The following CEP63 variants were observed in gnomAD, a reference collection of about 807,000 sequenced individuals.
CEP63 encodes the protein centrosomal protein 63, also known as centrosomal protein of 63 kDa.
In CEP63, 84 loss-of-function variants were observed where a neutral mutation model predicts 89.1. The observed-to-expected ratio is 0.94, with a 90% CI of 0.79 to 1.13. The LOEUF (loss-of-function observed/expected upper bound fraction) is 1.13. CEP63 is among the 50% of genes most tolerant of loss of function. CEP63 has a pLI of 0.00. For missense variants in CEP63, 838 were observed against 813.3 expected, an observed-to-expected ratio of 1.03 and a Z score of -0.37; for synonymous variants, 267 against 272.5, an observed-to-expected ratio of 0.98 and a Z score of 0.20.
At chr3:134,596,848 A>C in the CEP63 span, among the ~76,000 whole-genome samples, 1 of 152,220 alleles carries the variant, frequency 6.6e-6, no homozygotes, top group Non-Finnish European at 1.5e-5. Context: ...TGACATGAAC[A>C]TGGAAGATAG....
intron 1 of CEP63, among the ~76,000 whole-genome samples, chr3:134,494,531 G>C (rs1279848924): frequency 6.6e-6 from 1 of 152,156 alleles, no homozygotes; most frequent in Admixed American, 6.5e-5. Flanking sequence ...AGGTAAAAGA[G>C]GGAGGGGAGT....
At chr3:134,626,369 A>G in the CEP63 span, among the ~76,000 whole-genome samples, 1 of 152,066 alleles carries the variant, frequency 6.6e-6, no homozygotes, top group Non-Finnish European at 1.5e-5. Context: ...TCTGACTTCC[A>G]CCTTGCTGGG....
At chr3:134,729,427 A>G in the CEP63 span, among the ~76,000 whole-genome samples, 2 of 152,234 alleles carry the variant, frequency 1.3e-5, no homozygotes, top group Non-Finnish European at 2.9e-5. Flanking sequence ...ATTAAGAAAC[A>G]TGCTCATTTT....
intron 7 of CEP63, 121 bp from the exon 8 acceptor site, chr3:134,546,028 C>T (rs1359377095): frequency 9.0e-7 from 1 of 1,115,576 alleles, no homozygotes; most frequent in African/African-American, 1.6e-5. Context: ...GTCTGACTTC[C>T]TGGCTTCTCG....
At chr3:134,685,128 A>G in the CEP63 span, among the ~76,000 whole-genome samples, 4 of 152,222 alleles carry the variant, frequency 2.6e-5, no homozygotes, top group African/African-American at 9.7e-5. Flanking sequence ...ACAGAGCTTT[A>G]TGGATTAAAC....
chr3:134,750,305 G>A, the CEP63 span, among the ~76,000 whole-genome samples: 35 of 152,174 alleles, frequency 2.3e-4, no homozygotes, highest in Non-Finnish European at 4.4e-4. Flanking sequence ...GTCCCTGCTA[G>A]TATATGACCC....
At chr3:134,492,266 GTT>G in intron 1 of CEP63, among the ~76,000 whole-genome samples, 1 of 152,032 alleles carries the variant, frequency 6.6e-6, no homozygotes, top group East Asian at 1.9e-4. Context: ...TAGAGACGGG[GTT>G]TCACCGTGTT....
At chr3:134,704,010 A>T in the CEP63 span, among the ~76,000 whole-genome samples, 4 of 151,960 alleles carry the variant, frequency 2.6e-5, no homozygotes, top group South Asian at 8.3e-4. Context: ...GCTCTTTGTG[A>T]TCTCTATTTA....
At chr3:134,541,655 A>C (rs113678116) in intron 6 of CEP63, among the ~76,000 whole-genome samples, 2,460 of 151,816 alleles carry the variant, frequency 0.016, 58 homozygotes, top group African/African-American at 0.055. Flanking sequence ...CTAGGATTAC[A>C]GGCGTGCACC....
At chr3:134,638,121 CACTT>C in the CEP63 span, among the ~76,000 whole-genome samples, 1 of 152,320 alleles carries the variant, frequency 6.6e-6, no homozygotes, top group Non-Finnish European at 1.5e-5. Context: ...TTCCTGCTCT[CACTT>C]ACTGTTGTGT....
At position 134,562,070 on chromosome 3, in the gene CEP63, GGT is replaced by G; in HGVS notation, c.*539_*540del. The G allele has an allele frequency of 4.0e-6, 4 of 994,646 alleles. No homozygotes were observed. The highest frequency in any genetic ancestry group is 4.8e-6 in the Non-Finnish European group (4 of 835,700). The allele number at this position is 994,646 out of a possible 1,614,324, so 61.6% of individuals were successfully genotyped here. A position where few individuals can be genotyped will look rare whatever the true frequency, so the allele number is the denominator to read the frequency against. On this transcript the variant is annotated 3_prime_UTR_variant, in exon 15 of 15. Coordinates refer to ENST00000675561, the MANE Select transcript of CEP63 (RefSeq NM_001353108.3). The stretch of plus-strand genomic sequence containing the variant: ...TCAGGCTGGTAGTGAATAAGGGGGG[GGT>G]GTGCTAAAGAACCTTATCAAGCAGT...
chr3:134,618,063 C>A, the CEP63 span, among the ~76,000 whole-genome samples: 1 of 152,024 alleles, frequency 6.6e-6, no homozygotes, highest in Non-Finnish European at 1.5e-5. Context: ...ACCGTGGCTG[C>A]GTCTGGGGCT....
intron 6 of CEP63, among the ~76,000 whole-genome samples, chr3:134,537,638 TC>T (rs1951028703): frequency 6.6e-6 from 1 of 152,138 alleles, no homozygotes; most frequent in Non-Finnish European, 1.5e-5. Flanking sequence ...CCTCTCTTCC[TC>T]CCCTCTCTTT....
intron 3 of CEP63, among the ~76,000 whole-genome samples, chr3:134,524,797 G>A: frequency 6.6e-6 from 1 of 152,056 alleles, no homozygotes; most frequent in East Asian, 1.9e-4. Context: ...ATTTTGTTGA[G>A]GATTTCTGCA....
At chr3:134,744,754 G>A in the CEP63 span, among the ~76,000 whole-genome samples, 1 of 152,146 alleles carries the variant, frequency 6.6e-6, no homozygotes, top group African/African-American at 2.4e-5. Flanking sequence ...CTGGGCTCAA[G>A]CAATCCTCCC....
the CEP63 span, among the ~76,000 whole-genome samples, chr3:134,654,405 GAGTA>G: frequency 1.3e-5 from 2 of 152,184 alleles, no homozygotes; most frequent in Non-Finnish European, 2.9e-5. Context: ...TATAGAGATA[GAGTA>G]AGTAAGCCAA....
At chr3:134,687,349 C>CT in the CEP63 span, among the ~76,000 whole-genome samples, 1 of 152,232 alleles carries the variant, frequency 6.6e-6, no homozygotes, top group African/African-American at 2.4e-5. Flanking sequence ...TGGAGAAACT[C>CT]TAACTTTAAC....
At chr3:134,651,205 G>C in the CEP63 span, 1 of 1,324,452 alleles carries the variant, frequency 7.6e-7, no homozygotes, top group Admixed American at 3.1e-5. Context: ...GGAAATCCCC[G>C]GGCCCAAGCC....
chr3:134,615,717 T>A, the CEP63 span, among the ~76,000 whole-genome samples: 1 of 152,120 alleles, frequency 6.6e-6, no homozygotes, highest in Admixed American at 6.5e-5. Context: ...CAGCATCAGA[T>A]TTGGTGATAA....
Sources: gnomAD v4.1 joint callset for allele counts (sites outside exome capture counted in the v4.1 genomes callset) on GRCh38, gnomAD v4.1.1 for gene constraint, MANE v1.5 for transcripts, NCBI Gene and HGNC (gene_info 2026-07-23, HGNC 2026-07-21) for gene names.